PARP1: variants seen among roughly 807,000 people sequenced by gnomAD.
PARP1 encodes the protein poly(ADP-ribose) polymerase 1.
PARP1 carries 44 observed loss-of-function variants against 118.7 expected under a neutral mutation model. The observed-to-expected ratio is 0.37, with a 90% confidence interval of 0.29 to 0.48. PARP1 has a LOEUF of 0.48. Ranked by LOEUF, PARP1 falls within the 20% of genes least tolerant of loss-of-function variation. The pLI is 0.99. For missense variants in PARP1, 1,100 were observed against 1,272.4 expected (o/e 0.86, Z 2.06); for synonymous variants, 492 against 483.2 (o/e 1.02, Z -0.24).
chr1:226,391,849 G>A (rs973671616), intron 3 of PARP1, among the ~76,000 whole-genome samples: 4 of 152,186 alleles, frequency 2.6e-5, no homozygotes, highest in African/African-American at 9.7e-5. Flanking sequence ...TTAAACAGAA[G>A]GCTGGAGGCT....
Position 226,407,389 on chromosome 1 carries a change from C to T in PARP1, c.120+421G>A, listed in dbSNP as rs377065639. The stretch of plus-strand genomic sequence containing the variant: ...ATAGGTTTAACAAAAAAAAAAAAAA[C>T]CCACATGTCAGTCGCCACCATCCAT... On this transcript the variant is annotated intron_variant, in intron 1 of 22. Coordinates refer to ENST00000366794, the MANE Select transcript of PARP1 (RefSeq NM_001618.4). 2.5e-3 allele frequency among the ~76,000 whole-genome samples: 346 copies of T among 138,066 alleles called. 1 individual carries two copies. The highest frequency in any genetic ancestry group is 3.8e-3 in the Non-Finnish European group (241 of 64,020). 90.6% of individuals were successfully genotyped at this position (138,066 alleles called of 152,430 possible).
rs1664138667 is a variant in PARP1 at position 226,361,537 on chromosome 1, T to C, written c.2968A>G (p.Ile990Val). The change falls in exon 23 of 23, where the codon ATT becomes GTT. Residue 990 changes from isoleucine to valine, a missense_variant. Ile to Val is a conservative substitution (Grantham distance 29). Transcript: ENST00000366794. Reference protein sequence around the residue: ...NDTSLLYNEYIVYDIAQVNLK... With the variant: ...NDTSLLYNEYVVYDIAQVNLK... ...TTTACCTGAGCAATATCATAGACAA[T>C]GTACCTGAGGGGAAGCTTGTTAAGG... is the stretch of plus-strand genomic sequence containing the variant. 3 of 1,608,846 alleles carry C rather than the reference T, an allele frequency of 1.9e-6. No homozygotes were observed. The highest frequency in any genetic ancestry group is 2.2e-5 in the East Asian group (1 of 44,848).
rs190107298 is a variant in PARP1 at position 226,362,164 on chromosome 1, G to A, written c.2849-81C>T. 705 of 798,038 alleles carry A rather than the reference G, an allele frequency of 8.8e-4. 2 individuals are homozygous for A. The African/African-American group carries it at 0.011, about 12-fold the overall frequency. 49.4% of individuals were successfully genotyped at this position (798,038 alleles called of 1,614,324 possible). A position where few individuals can be genotyped will look rare whatever the true frequency, so the allele number is the denominator to read the frequency against. On this transcript the variant is annotated intron_variant, in intron 21 of 22. Transcript: ENST00000366794. ...TCCAGGGAGATGAGCTCTATTTGAT[G>A]TTGGGTCCATGTGGTCTTTCTTTTT...
At chr1:226,373,828 A>G (rs1466147495) in intron 14 of PARP1, among the ~76,000 whole-genome samples, 1 of 152,162 alleles carries the variant, frequency 6.6e-6, no homozygotes, top group African/African-American at 2.4e-5. Flanking sequence ...GGAAAAATAC[A>G]AAGGGTGGGC....
In PARP1 at chr1:226,374,433, C is replaced by G. The variant is rs182874986; in HGVS notation, c.1942-79G>C. The G allele has an allele frequency of 1.3e-3, 2,001 of 1,555,856 alleles. 8 individuals are homozygous for G. Among genetic ancestry groups the G allele is most frequent in the South Asian group, 5.2e-3 (469 of 89,478 alleles). ...TATCTGCGTCTGTGGGGCTGGACTG[C>G]AGACAAAGGACACAGGCTAGAGTGC... On this transcript the variant is annotated intron_variant, in intron 13 of 22. Coordinates refer to ENST00000366794, the MANE Select transcript of PARP1 (RefSeq NM_001618.4).
chr1:226,365,017 C>T lies in PARP1; in HGVS notation c.2643G>A (p.Pro881=), dbSNP rs757762368. ...AGGCACATACCACGGGCGCTTCAGG[C>T]GGGGCTATCCGAAGACCCTGGGACA... The part of the protein sequence containing the change: ...GILSQGLRIA[P]PEAPVTGYMF... Residue 881 remains proline (P), a synonymous_variant, in exon 19 of 23, where the codon CCG becomes CCA. Coordinates refer to ENST00000366794, the MANE Select transcript of PARP1 (RefSeq NM_001618.4). 4.3e-6 allele frequency: 7 copies of T among 1,613,974 alleles called. No individual in the cohort carries two copies. Among genetic ancestry groups the T allele is most frequent in the South Asian group, 2.2e-5 (2 of 91,080 alleles).
rs35298213 is a variant in PARP1, at chr1:226,369,984, CAA to C, written c.2154+448_2154+449del. Among the ~76,000 whole-genome samples, 428 of 128,972 alleles carry C rather than the reference CAA, an allele frequency of 3.3e-3. 4 individuals are homozygous for C. The highest frequency in any genetic ancestry group is 0.025 in the South Asian group (99 of 3,992). The allele number at this position is 128,972 out of a possible 152,430, so 84.6% of individuals were successfully genotyped here. On this transcript the variant is annotated intron_variant, in intron 15 of 22. Coordinates refer to ENST00000366794, the MANE Select transcript of PARP1 (RefSeq NM_001618.4). ...AAAGAAAAAGAAAGAAAAATCCCACCAAAAAAAAAAAAAAAAAATCTCAGGAT... is the reference window on the plus strand; with the variant it reads ...AAAGAAAAAGAAAGAAAAATCCCACCAAAAAAAAAAAAAAAATCTCAGGAT...
chr1:226,379,039 A>T (rs1463548637), intron 12 of PARP1, 103 bp downstream of exon 12: 7 of 1,376,668 alleles, frequency 5.1e-6, no homozygotes, highest in Non-Finnish European at 7.2e-6. Flanking sequence ...TTCATTCCCC[A>T]GGCACTGGGC....
chr1:226,379,880 C>G, intron 10 of PARP1, 42 bp downstream of exon 10: 2 of 1,612,424 alleles, frequency 1.2e-6, no homozygotes, highest in Non-Finnish European at 1.7e-6. Context: ...CCACCAATGT[C>G]CCTGGCTTTT....
chr1:226,376,466 A>G (rs1004114721), intron 13 of PARP1, among the ~76,000 whole-genome samples: 2 of 152,220 alleles, frequency 1.3e-5, no homozygotes, highest in African/African-American at 2.4e-5. Context: ...TTCTGTCATG[A>G]CAGACCAGTC....
intron 3 of PARP1, among the ~76,000 whole-genome samples, chr1:226,391,740 C>A (rs546320952): frequency 7.9e-5 from 12 of 152,314 alleles, no homozygotes; most frequent in Admixed American, 7.8e-4. Context: ...GGGCACAAGC[C>A]TTCCCTTCTA....
At chr1:226,386,266 A>C in intron 6 of PARP1, 60 bp downstream of exon 6, 1 of 970,758 alleles carries the variant, frequency 1.0e-6, no homozygotes, top group Non-Finnish European at 1.7e-6. Context: ...TGGGACAGTC[A>C]CTCCACAACG....
intron 14 of PARP1, among the ~76,000 whole-genome samples, chr1:226,373,845 C>G (rs562816662): frequency 5.3e-5 from 8 of 152,092 alleles, no homozygotes; most frequent in Non-Finnish European, 1.2e-4. Context: ...GGGCCGGGCA[C>G]GATGGCTCAC....
chr1:226,382,305 G>C (rs1417227705), intron 8 of PARP1, among the ~76,000 whole-genome samples: 1 of 152,184 alleles, frequency 6.6e-6, no homozygotes, highest in East Asian at 1.9e-4. Flanking sequence ...CACTAGTGCT[G>C]ATTAGTAACT....
At chr1:226,397,675 T>C (rs1245028584) in intron 2 of PARP1, among the ~76,000 whole-genome samples, 2 of 152,186 alleles carry the variant, frequency 1.3e-5, no homozygotes, top group African/African-American at 4.8e-5. Flanking sequence ...CTCTTCCTCC[T>C]GCTCCGGCCA....
chr1:226,408,005 C>G lies in PARP1; in HGVS notation c.-76G>C. On this transcript the variant is annotated 5_prime_UTR_variant, in exon 1 of 23. Coordinates refer to ENST00000366794, the MANE Select transcript of PARP1 (RefSeq NM_001618.4). ...AACACGCTGCCGCCTCGCCGCCTCG[C>G]GTGCGCTCACCCAGCCGCAGGCGCC... 3 of 1,595,536 alleles carry G rather than the reference C, an allele frequency of 1.9e-6. No individual in the cohort carries two copies. Among genetic ancestry groups the G allele is most frequent in the Non-Finnish European group, 2.6e-6 (3 of 1,172,762 alleles).
chr1:226,382,479 G>C (rs1209341669), intron 8 of PARP1, among the ~76,000 whole-genome samples: 3 of 152,156 alleles, frequency 2.0e-5, no homozygotes, highest in Non-Finnish European at 4.4e-5. Context: ...CCTTTCTTAG[G>C]AGCCCCTCTC....
chr1:226,392,958 T>C, intron 2 of PARP1: 2 of 1,573,538 alleles, frequency 1.3e-6, no homozygotes, highest in Non-Finnish European at 1.7e-6. Flanking sequence ...CCATCACTTC[T>C]ATTCCACATG....
In PARP1 at chr1:226,380,946, G is replaced by C. The variant is rs1030189840; in HGVS notation, c.1300+122C>G. 20 of 1,094,396 alleles carry C rather than the reference G, an allele frequency of 1.8e-5. No individual in the cohort carries two copies. In the African/African-American group the frequency reaches 3.1e-4, roughly 17 times the overall value. The allele number at this position is 1,094,396 out of a possible 1,614,324, so 67.8% of individuals were successfully genotyped here. A position where few individuals can be genotyped will look rare whatever the true frequency, so the allele number is the denominator to read the frequency against. On this transcript the variant is annotated intron_variant, in intron 9 of 22. Transcript: ENST00000366794. ...TGGTTTCCCTTCATAAAGAACCACAGCGATGATGATGTTAAGATCCAGTTT... is the reference window on the plus strand; with the variant it reads ...TGGTTTCCCTTCATAAAGAACCACACCGATGATGATGTTAAGATCCAGTTT...
Sources: gnomAD v4.1 joint callset for allele counts (sites outside exome capture counted in the v4.1 genomes callset) on GRCh38, gnomAD v4.1.1 for gene constraint, MANE v1.5 for transcripts, NCBI Gene and HGNC (gene_info 2026-07-23, HGNC 2026-07-21) for gene names.